Variants in DNAH7 observed in about 807,000 individuals in gnomAD.
DNAH7 encodes the protein axonemal beta dynein heavy chain 7.
A neutral mutation model predicts 444.6 loss-of-function variants in DNAH7; 397 were observed. That is an observed-to-expected ratio of 0.89 (90% CI 0.82 to 0.97). The LOEUF (loss-of-function observed/expected upper bound fraction) is 0.97, where lower values mean the gene tolerates loss of function less well. Among genes scored for constraint, DNAH7 ranks in the 50% least tolerant of loss-of-function variants. DNAH7 has a pLI of 0.00. For synonymous variants in DNAH7, 1,636 were observed against 1,624.4 expected (o/e 1.01, Z -0.17); for missense variants, 4,902 against 4,800.8 (o/e 1.02, Z -0.62).
chr2:195,950,879 A>AAAAAAAAAC, intron 19 of DNAH7, among the ~76,000 whole-genome samples: 1 of 145,260 alleles, frequency 6.9e-6, no homozygotes, highest in Middle Eastern at 3.5e-3. Context: ...AAAAAAAAAA[A>AAAAAAAAAC]CCCAGCTCCT....
chr2:195,791,103 A>T (rs1478998423), intron 57 of DNAH7, among the ~76,000 whole-genome samples: 2 of 152,184 alleles, frequency 1.3e-5, no homozygotes, highest in African/African-American at 2.4e-5. Flanking sequence ...GCTCCACATC[A>T]CTAATCATCA....
At chr2:195,968,892 T>G (rs1691657045) in intron 17 of DNAH7, among the ~76,000 whole-genome samples, 1 of 152,214 alleles carries the variant, frequency 6.6e-6, no homozygotes, top group Admixed American at 6.5e-5. Context: ...CAGTTTTGCT[T>G]TCTGCTGCAA....
chr2:195,899,488 T>C (rs941310645), intron 28 of DNAH7, among the ~76,000 whole-genome samples: 1 of 152,220 alleles, frequency 6.6e-6, no homozygotes, highest in Non-Finnish European at 1.5e-5. Context: ...TAGTCCCTTT[T>C]GTTTATTGCA....
chr2:196,061,914 G>T (rs1698156314), intron 1 of DNAH7, among the ~76,000 whole-genome samples: 1 of 152,108 alleles, frequency 6.6e-6, no homozygotes, highest in South Asian at 2.1e-4. Context: ...ACAATAAAAA[G>T]AGCTTCTACT....
At chr2:195,928,342 GT>G (rs1688474268) in intron 21 of DNAH7, among the ~76,000 whole-genome samples, 1 of 151,916 alleles carries the variant, frequency 6.6e-6, no homozygotes, top group African/African-American at 2.4e-5. Flanking sequence ...TTTTCTCCAA[GT>G]ACTTTGACAA....
intron 58 of DNAH7, among the ~76,000 whole-genome samples, chr2:195,781,567 TTGAGACAA>T (rs1695377023): frequency 1.3e-5 from 2 of 151,922 alleles, no homozygotes; most frequent in Admixed American, 1.3e-4. Flanking sequence ...TACAAGAGGG[TTGAGACAA>T]TGAGCAGCAG....
chr2:195,761,096 C>A (rs938194343), intron 61 of DNAH7, among the ~76,000 whole-genome samples: 1 of 151,470 alleles, frequency 6.6e-6, no homozygotes, highest in Non-Finnish European at 1.5e-5. Flanking sequence ...CCAAATAACA[C>A]CGAGAAGGAA....
At chr2:195,831,172 A>T (rs1260609743) in intron 48 of DNAH7, among the ~76,000 whole-genome samples, 3 of 152,216 alleles carry the variant, frequency 2.0e-5, no homozygotes, top group African/African-American at 7.2e-5. Flanking sequence ...TTTATCAGCA[A>T]TATTTGTATG....
At chr2:195,824,224 T>C in intron 49 of DNAH7, 31 bp downstream of exon 49, 1 of 1,571,016 alleles carries the variant, frequency 6.4e-7, no homozygotes, top group Non-Finnish European at 8.7e-7. Context: ...TTACAAAATC[T>C]GATAAAGAAA....
At chr2:195,987,381 T>C (rs1303714353) in intron 13 of DNAH7, among the ~76,000 whole-genome samples, 188 bp from the exon 14 acceptor site, 3 of 152,142 alleles carry the variant, frequency 2.0e-5, no homozygotes, top group African/African-American at 7.2e-5. Context: ...TCTGGGTAAA[T>C]ATCCTTGAAA....
intron 10 of DNAH7, among the ~76,000 whole-genome samples, chr2:196,011,189 T>C (rs1281689879): frequency 6.6e-6 from 1 of 152,112 alleles, no homozygotes; most frequent in Admixed American, 6.6e-5. Context: ...AAATGATAAA[T>C]GTTTGAGGTG....
intron 1 of DNAH7, among the ~76,000 whole-genome samples, chr2:196,059,041 A>AT (rs1185979865): frequency 6.6e-6 from 1 of 152,190 alleles, no homozygotes; most frequent in Non-Finnish European, 1.5e-5. Context: ...TGGGCAATTG[A>AT]TTTTTCATGA....
chr2:195,757,589 G>C (rs1694141168), intron 61 of DNAH7, among the ~76,000 whole-genome samples: 1 of 152,086 alleles, frequency 6.6e-6, no homozygotes, highest in South Asian at 2.1e-4. Context: ...CAGCAGTAAA[G>C]GAATTTACTT....
chr2:196,031,749 C>G (rs919367729), intron 5 of DNAH7, among the ~76,000 whole-genome samples: 1 of 152,206 alleles, frequency 6.6e-6, no homozygotes, highest in Non-Finnish European at 1.5e-5. Flanking sequence ...ACAAGTTCCT[C>G]ATCTCCATCT....
intron 10 of DNAH7, among the ~76,000 whole-genome samples, chr2:196,002,588 A>G (rs959782100): frequency 6.6e-6 from 1 of 152,216 alleles, no homozygotes; most frequent in Non-Finnish European, 1.5e-5. Flanking sequence ...AGTCAATATA[A>G]TTTCAGGAGT....
At chr2:195,895,285 TGTATTGA>T in intron 29 of DNAH7, 61 bp from the exon 30 acceptor site, 2 of 1,170,902 alleles carry the variant, frequency 1.7e-6, no homozygotes, top group South Asian at 4.1e-5. Context: ...ACAAATATTT[TGTATTGA>T]TGGAAATAGG....
chr2:196,058,122 T>A lies in DNAH7; in HGVS notation c.16-6A>T, dbSNP rs758631597. 9 of 1,567,526 alleles carry A rather than the reference T, an allele frequency of 5.7e-6. No homozygotes were observed. The highest frequency in any genetic ancestry group is 1.2e-5 in the South Asian group (1 of 82,838). ...TCTTTGCTGGCCGATTTATCCTGTA[T>A]GAAAAACATGAAAAAACAAAACTGT... is the stretch of plus-strand genomic sequence containing the variant. On this transcript the variant is annotated splice_region_variant and splice_polypyrimidine_tract_variant and intron_variant, in intron 1 of 64. Transcript: ENST00000312428.
Position 195,834,348 on chromosome 2 carries a change from CCTT to C in DNAH7, c.8955_8957del (p.Arg2986del), listed in dbSNP as rs779065787. The C allele has an allele frequency of 3.8e-6, 6 of 1,592,626 alleles. No homozygotes were observed. The Admixed American group carries it at 1.0e-4, about 27-fold the overall frequency. ...TTTGAGGATCTATCATCAGAGGCCA[CCTT>C]CTTGCATTCCTGAAAAGGAGGAGAA... On this transcript the variant is annotated inframe_deletion, in exon 48 of 65. Transcript: ENST00000312428.
chr2:195,963,093 T>C (rs1691222167), intron 17 of DNAH7, among the ~76,000 whole-genome samples: 2 of 152,234 alleles, frequency 1.3e-5, no homozygotes, highest in South Asian at 2.1e-4. Flanking sequence ...AGATATCTCT[T>C]TGATATCTTG....
Sources: gnomAD v4.1 joint callset for allele counts (sites outside exome capture counted in the v4.1 genomes callset) on GRCh38, gnomAD v4.1.1 for gene constraint, MANE v1.5 for transcripts, NCBI Gene and HGNC (gene_info 2026-07-23, HGNC 2026-07-21) for gene names.